Variants in DYSF observed in about 807,000 individuals in gnomAD.
The protein encoded by DYSF is dysferlin, also known as dystrophy-associated fer-1-like 1.
A neutral mutation model predicts 274.9 loss-of-function variants in DYSF; 212 were observed. That is an observed-to-expected ratio of 0.77 (90% CI 0.69 to 0.86). The LOEUF is 0.86. Ranked by LOEUF, DYSF falls within the 40% of genes least tolerant of loss-of-function variation. The probability of loss-of-function intolerance (pLI) is 0.00; values close to 1 mark genes in which losing one functional copy is unlikely to be tolerated. For synonymous variants in DYSF, 1,091 were observed against 1,078.7 expected (o/e 1.01, Z -0.22); for missense variants, 2,666 against 2,783.2 (o/e 0.96, Z 0.95).
intron 30 of DYSF, among the ~76,000 whole-genome samples, chr2:71,585,535 C>T (rs1179136065): frequency 6.6e-6 from 1 of 152,098 alleles, no homozygotes. Flanking sequence ...GAGAAATTCC[C>T]CAAGCTTGAG....
At chr2:71,499,195 T>G (rs1412002378) in intron 3 of DYSF, among the ~76,000 whole-genome samples, 1 of 152,214 alleles carries the variant, frequency 6.6e-6, no homozygotes, top group Admixed American at 6.5e-5. Flanking sequence ...ATCGCCCATA[T>G]AGATTCTAAC....
chr2:71,513,875 C>G lies in DYSF; in HGVS notation c.713C>G (p.Ala238Gly), dbSNP rs749901429. The change falls in exon 7 of 56, where the codon GCG (alanine) becomes GGG (glycine). Residue 238 changes from alanine to glycine, a missense_variant. This residue lies in a region of DYSF where 794 missense variants were observed against 777.1 expected (regional missense o/e 1.02). Coordinates refer to ENST00000410020, the MANE Select transcript of DYSF (RefSeq NM_001130987.2). Reference sequence around the variant, plus strand: ...CCCGGGATCAAAAGAAAGCGAAGTGCGCCTACATCTAGAAAGCTGCTGTCA... The same window carrying G: ...CCCGGGATCAAAAGAAAGCGAAGTGGGCCTACATCTAGAAAGCTGCTGTCA... ...HYPGIKRKRS[A>G]PTSRKLLSDK... The G allele has an allele frequency of 6.2e-7, 1 of 1,614,216 alleles. No individual in the cohort carries two copies. Among genetic ancestry groups the G allele is most frequent in the Non-Finnish European group, 8.5e-7 (1 of 1,180,040 alleles).
rs751228439 is a variant in DYSF, at chr2:71,600,807, C to G, written c.3862C>G (p.Leu1288Val). ...GAGGGGCAGCCAGCCGTCGGGGGAG[C>G]TGCTGGCCTCTTTTGAGCTCATCCA... The part of the protein sequence containing the change: ...LTRGSQPSGE[L>V]LASFELIQRE... The change falls in exon 34 of 56, where the codon CTG becomes GTG. Residue 1288 changes from leucine (L) to valine (V), a missense_variant. By Grantham distance (32) the Leu-to-Val change is conservative. Transcript: ENST00000410020. 6.2e-7 allele frequency: 1 copy of G among 1,613,132 alleles called. No homozygotes were observed. The highest frequency in any genetic ancestry group is 1.1e-5 in the South Asian group (1 of 91,080).
chr2:71,623,402 A>G (rs1020049760), intron 41 of DYSF, among the ~76,000 whole-genome samples: 86 of 139,932 alleles, frequency 6.1e-4, no homozygotes, highest in African/African-American at 1.8e-3. Context: ...TTCAATTCCC[A>G]CCTATGAGCG....
chr2:71,531,678 C>A (rs547256815), intron 14 of DYSF, among the ~76,000 whole-genome samples: 1 of 151,858 alleles, frequency 6.6e-6, no homozygotes, highest in African/African-American at 2.4e-5. Flanking sequence ...CTTTTCTTGG[C>A]GACTTCGCTG....
rs947607173 is a variant in DYSF at position 71,455,167 on chromosome 2, A to G, written c.88+1081A>G. ...TGCACATATGATCCCAGGCACATGCACACCCTGGAGCGTGTGGGACACCTG... is the reference window on the plus strand; with the variant it reads ...TGCACATATGATCCCAGGCACATGCGCACCCTGGAGCGTGTGGGACACCTG... On this transcript the variant is annotated intron_variant, in intron 1 of 54. Coordinates refer to the DYSF transcript ENST00000258104. Among the ~76,000 whole-genome samples the G allele has an allele frequency of 2.0e-5, 3 of 152,294 alleles. No homozygotes were observed. The East Asian group carries it at 5.8e-4, about 29-fold the overall frequency.
rs549810799 is a variant in DYSF at position 71,551,164 on chromosome 2, G to A, written c.1692+8G>A. 48 of 1,613,668 alleles carry A rather than the reference G, an allele frequency of 3.0e-5. No homozygotes were observed. The highest frequency in any genetic ancestry group is 6.7e-5 in the East Asian group (3 of 44,892). On this transcript the variant is annotated splice_region_variant and intron_variant, in intron 18 of 55. Transcript: ENST00000410020. The stretch of plus-strand genomic sequence containing the variant: ...GAGCTCAACACAGGCAAGGTAAGCC[G>A]GCTGGAGCCCTGGCAAGGGCAGGAT...
chr2:71,567,977 C>T lies in DYSF; in HGVS notation c.2592C>T (p.Ala864=). The T allele has an allele frequency of 6.2e-7, 1 of 1,614,114 alleles. No individual in the cohort carries two copies. Among genetic ancestry groups the T allele is most frequent in the Admixed American group, 1.7e-5 (1 of 60,008 alleles). Residue 864 remains alanine, a synonymous_variant, in exon 25 of 56, where the codon GCC becomes GCT. Transcript: ENST00000410020. The part of the protein sequence containing the change: ...LKYPMEKVPG[A]RMPVQIRVKL... ...ATCCGATGGAGAAGGTGCCTGGCGC[C>T]CGGATGCCAGTGCAGATACGGGTCA...
chr2:71,490,230 CA>C (rs2083721757), intron 3 of DYSF, among the ~76,000 whole-genome samples: 1 of 152,186 alleles, frequency 6.6e-6, no homozygotes, highest in Non-Finnish European at 1.5e-5. Context: ...TATAAAAGTG[CA>C]TTTCATTCTC....
At chr2:71,550,825 T>C (rs1047349802) in intron 17 of DYSF, among the ~76,000 whole-genome samples, 4 of 152,184 alleles carry the variant, frequency 2.6e-5, no homozygotes, top group African/African-American at 9.7e-5. Context: ...AAAATATGAT[T>C]GCATCTCAGC....
At chr2:71,570,147 T>C in intron 27 of DYSF, 82 bp from the exon 28 acceptor site, 2 of 1,315,538 alleles carry the variant, frequency 1.5e-6, no homozygotes, top group Non-Finnish European at 2.2e-6. Flanking sequence ...AGGACGTATG[T>C]TGTCAAGTTG....
chr2:71,599,902 G>A (rs749474637), intron 33 of DYSF, among the ~76,000 whole-genome samples: 1 of 152,220 alleles, frequency 6.6e-6, no homozygotes, highest in Non-Finnish European at 1.5e-5. Context: ...GCAACGTTGG[G>A]GTGCTTGGAA....
At chr2:71,644,126 A>C in intron 42 of DYSF, 63 bp downstream of exon 42, 1 of 1,324,374 alleles carries the variant, frequency 7.6e-7, no homozygotes. Context: ...GGGAGACACA[A>C]CAGAAAGAGA....
At chr2:71,504,370 T>A (rs919482866) in intron 4 of DYSF, among the ~76,000 whole-genome samples, 3 of 152,118 alleles carry the variant, frequency 2.0e-5, no homozygotes, top group African/African-American at 7.2e-5. Flanking sequence ...ATGGAAGATG[T>A]CACTTCCCAG....
intron 17 of DYSF, among the ~76,000 whole-genome samples, chr2:71,550,467 G>T (rs765100899): frequency 6.6e-6 from 1 of 152,250 alleles, no homozygotes; most frequent in East Asian, 1.9e-4. Flanking sequence ...CAGAGGGTAT[G>T]TGCCTGGGGG....
intron 51 of DYSF, among the ~76,000 whole-genome samples, chr2:71,672,549 C>T (rs373847309): frequency 6.6e-6 from 1 of 152,210 alleles, no homozygotes; most frequent in Non-Finnish European, 1.5e-5. Flanking sequence ...ACACCCTGCA[C>T]GTCAGGCACC....
intron 24 of DYSF, among the ~76,000 whole-genome samples, chr2:71,566,353 C>CAAA (rs773800974): frequency 8.4e-4 from 42 of 49,794 alleles, no homozygotes; most frequent in African/African-American, 1.9e-3. Flanking sequence ...TGGTTTCAAG[C>CAAA]AAAAAAAAAA....
At chr2:71,660,731 C>A in intron 45 of DYSF, 80 bp downstream of exon 45, 4 of 1,228,242 alleles carry the variant, frequency 3.3e-6, no homozygotes, top group Non-Finnish European at 4.8e-6. Context: ...ATGTGACTGG[C>A]ACTGTGAAGT....
chr2:71,513,365 G>A, intron 6 of DYSF, 33 bp downstream of exon 6: 1 of 1,540,756 alleles, frequency 6.5e-7, no homozygotes, highest in Admixed American at 2.0e-5. Flanking sequence ...CCTGATCCCA[G>A]ACCCTCCCTG....
Sources: gnomAD v4.1 joint callset for allele counts (sites outside exome capture counted in the v4.1 genomes callset) on GRCh38, gnomAD v4.1.1 for gene constraint, gnomAD v4.1.1 regional missense constraint, MANE v1.5 for transcripts, NCBI Gene and HGNC (gene_info 2026-07-23, HGNC 2026-07-21) for gene names.